The following PLGRKT variants were observed in gnomAD, a reference collection of about 807,000 sequenced individuals.
PLGRKT encodes the protein plasminogen receptor with a C-terminal lysine, also known as plasminogen receptor (KT).
In PLGRKT, 22 loss-of-function variants were observed where a neutral mutation model predicts 18.5. That is an observed-to-expected ratio of 1.19 (90% CI 0.85 to 1.70). The LOEUF (loss-of-function observed/expected upper bound fraction) is 1.70, where lower values mean the gene tolerates loss of function less well. PLGRKT is among the 40% of genes most tolerant of loss of function. The pLI is 0.00. For synonymous variants in PLGRKT, 72 were observed against 52.8 expected (o/e 1.36, Z -1.58); for missense variants, 235 against 174.4 (o/e 1.35, Z -1.96).
chr9:5,411,257 C>T (rs1340324518), intron 3 of PLGRKT, among the ~76,000 whole-genome samples: 2 of 151,530 alleles, frequency 1.3e-5, no homozygotes, highest in East Asian at 3.9e-4. Flanking sequence ...CAGTGGCATG[C>T]GTCTATAATT....
At chr9:5,428,623 G>C (rs189590134) in intron 3 of PLGRKT, among the ~76,000 whole-genome samples, 1 of 152,328 alleles carries the variant, frequency 6.6e-6, no homozygotes, top group African/African-American at 2.4e-5. Flanking sequence ...GCTGGAGACA[G>C]CATAATCTCT....
chr9:5,392,895 G>A (rs1334241806), intron 3 of PLGRKT, among the ~76,000 whole-genome samples: 1 of 151,676 alleles, frequency 6.6e-6, no homozygotes, highest in Admixed American at 6.6e-5. Flanking sequence ...AGGCTGGAGT[G>A]CAGTGGTGCA....
intron 3 of PLGRKT, among the ~76,000 whole-genome samples, chr9:5,388,970 C>T (rs1462644622): frequency 6.6e-6 from 1 of 151,970 alleles, no homozygotes; most frequent in Non-Finnish European, 1.5e-5. Context: ...CAGGAAAATA[C>T]CTACAGTTGA....
intron 3 of PLGRKT, among the ~76,000 whole-genome samples, chr9:5,389,468 G>A (rs747305600): frequency 7.9e-5 from 12 of 151,820 alleles, no homozygotes; most frequent in Non-Finnish European, 1.8e-4. Flanking sequence ...ACCTGTCAGG[G>A]TATGTAAAAA....
chr9:5,389,047 G>C (rs1009794270), intron 3 of PLGRKT, among the ~76,000 whole-genome samples: 1 of 151,964 alleles, frequency 6.6e-6, no homozygotes, highest in East Asian at 1.9e-4. Context: ...GGGTGTCTCA[G>C]TAAGAGGGTA....
At chr9:5,410,296 G>A (rs10815210) in intron 3 of PLGRKT, among the ~76,000 whole-genome samples, 34,239 of 151,930 alleles carry the variant, frequency 0.23, 4,000 homozygotes, top group South Asian at 0.31. Flanking sequence ...GGCACTTTGG[G>A]AGGCTGAGTC....
chr9:5,431,686 G>C (rs1304334056), intron 3 of PLGRKT, among the ~76,000 whole-genome samples: 2 of 152,126 alleles, frequency 1.3e-5, no homozygotes, highest in Non-Finnish European at 2.9e-5. Flanking sequence ...TCTTCCTACA[G>C]AATGGAAATT....
At chr9:5,426,056 G>T (rs1440799786) in intron 3 of PLGRKT, among the ~76,000 whole-genome samples, 2 of 152,122 alleles carry the variant, frequency 1.3e-5, no homozygotes, top group East Asian at 3.9e-4. Flanking sequence ...CTTCATCTTT[G>T]AAGACCCTAA....
At position 5,358,085 on chromosome 9, in the gene PLGRKT, T is replaced by C. The variant is rs1467582389; in HGVS notation, c.*154A>G. 3.7e-6 allele frequency: 2 copies of C among 545,408 alleles called. No individual in the cohort carries two copies. The highest frequency in any genetic ancestry group is 6.1e-6 in the Non-Finnish European group (2 of 325,256). 33.8% of individuals were successfully genotyped at this position (545,408 alleles called of 1,614,324 possible). A position where few individuals can be genotyped will look rare whatever the true frequency, so the allele number is the denominator to read the frequency against. On this transcript the variant is annotated 3_prime_UTR_variant, in exon 6 of 6. Coordinates refer to ENST00000223864, the MANE Select transcript of PLGRKT (RefSeq NM_018465.4). ...CTCCATGATTTTGTGTTGAATGTTA[T>C]AAATTTTATTTTAAAATAGCTCAAA...
At chr9:5,398,099 G>A (rs1201889346) in intron 3 of PLGRKT, among the ~76,000 whole-genome samples, 3 of 151,810 alleles carry the variant, frequency 2.0e-5, no homozygotes, top group Admixed American at 1.3e-4. Flanking sequence ...ACAGCAAAAC[G>A]GGAGCAGACA....
In PLGRKT at chr9:5,409,221, T is replaced by C. The variant is rs539637116; in HGVS notation, c.81+22676A>G. 1.2e-3 allele frequency among the ~76,000 whole-genome samples: 183 copies of C among 152,296 alleles called. 1 individual carries two copies. The highest frequency in any genetic ancestry group is 2.1e-3 in the Non-Finnish European group (144 of 68,020). On this transcript the variant is annotated intron_variant, in intron 3 of 5. Coordinates refer to ENST00000223864, the MANE Select transcript of PLGRKT (RefSeq NM_018465.4). ...ATGCAAAGTATTAATCCTGGGTATA[T>C]CTGTGAGGGTGTTGCCAAAGGAGAT...
chr9:5,370,938 T>A (rs1372529594), intron 3 of PLGRKT, among the ~76,000 whole-genome samples: 2 of 151,358 alleles, frequency 1.3e-5, no homozygotes, highest in Non-Finnish European at 2.9e-5. Flanking sequence ...TCTTTTTGCC[T>A]TAAGAAAAAA....
At chr9:5,413,805 C>T (rs1234500568) in intron 3 of PLGRKT, among the ~76,000 whole-genome samples, 6 of 152,178 alleles carry the variant, frequency 3.9e-5, no homozygotes, top group South Asian at 4.1e-4. Context: ...AGTGTACATA[C>T]ATCATTTGAA....
chr9:5,382,328 G>A (rs1381294963), intron 3 of PLGRKT, among the ~76,000 whole-genome samples: 1 of 152,216 alleles, frequency 6.6e-6, no homozygotes, highest in East Asian at 1.9e-4. Context: ...GAAAGTGCAT[G>A]GCAGGGCTGC....
At chr9:5,387,385 C>A (rs553657126) in intron 3 of PLGRKT, among the ~76,000 whole-genome samples, 3 of 151,786 alleles carry the variant, frequency 2.0e-5, no homozygotes, top group African/African-American at 7.3e-5. Flanking sequence ...TAGACTCAAA[C>A]TGGAATTAAT....
chr9:5,402,792 G>A lies in PLGRKT; in HGVS notation c.81+29105C>T, dbSNP rs188835704. ...ATCAGTTTCAAAATTTTTATAAAGT[G>A]TAAAAGTAGGACAGCAAAATTAAGT... On this transcript the variant is annotated intron_variant, in intron 3 of 5. Coordinates refer to ENST00000223864, the MANE Select transcript of PLGRKT (RefSeq NM_018465.4). Among the ~76,000 whole-genome samples the A allele has an allele frequency of 1.3e-5, 2 of 152,086 alleles. 1 individual carries two copies. The highest frequency in any genetic ancestry group is 4.8e-5 in the African/African-American group (2 of 41,342).
intron 3 of PLGRKT, among the ~76,000 whole-genome samples, chr9:5,411,914 T>A (rs1392503680): frequency 1.3e-5 from 2 of 152,108 alleles, no homozygotes; most frequent in African/African-American, 4.8e-5. Flanking sequence ...ACAATCCCAA[T>A]GAAAAATATC....
chr9:5,398,409 C>G (rs2381278), intron 3 of PLGRKT, among the ~76,000 whole-genome samples: 1 of 151,840 alleles, frequency 6.6e-6, no homozygotes, highest in East Asian at 1.9e-4. Context: ...GAGAAGTTAA[C>G]TCTGTTAAGC....
At chr9:5,378,004 A>T (rs1817664437) in intron 3 of PLGRKT, among the ~76,000 whole-genome samples, 1 of 152,180 alleles carries the variant, frequency 6.6e-6, no homozygotes, top group Non-Finnish European at 1.5e-5. Flanking sequence ...GGGGTTCTTC[A>T]GCCTGCTTCT....
Sources: gnomAD v4.1 joint callset for allele counts (sites outside exome capture counted in the v4.1 genomes callset) on GRCh38, gnomAD v4.1.1 for gene constraint, MANE v1.5 for transcripts, NCBI Gene and HGNC (gene_info 2026-07-23, HGNC 2026-07-21) for gene names.